CNGB3: variants seen among roughly 807,000 people sequenced by gnomAD.
CNGB3 encodes the protein cyclic nucleotide-gated channel beta-3.
CNGB3 carries 86 observed loss-of-function variants against 92.8 expected under a neutral mutation model. The ratio of observed to expected loss-of-function variants is 0.93; its 90% CI spans 0.78 to 1.11. The LOEUF (loss-of-function observed/expected upper bound fraction) is 1.11, where lower values mean the gene tolerates loss of function less well. Ranked by LOEUF, CNGB3 falls within the 50% of genes least tolerant of loss-of-function variation. CNGB3 has a pLI of 0.00. For synonymous variants in CNGB3, 333 were observed against 332.7 expected (o/e 1.00, Z -0.01); for missense variants, 1,026 against 956.8 (o/e 1.07, Z -0.95).
intron 10 of CNGB3, among the ~76,000 whole-genome samples, chr8:86,640,650 G>C (rs185883404): frequency 6.6e-6 from 1 of 151,986 alleles, no homozygotes; most frequent in African/African-American, 2.4e-5. Flanking sequence ...GAGGTGTTGC[G>C]TGATTCTAGA....
At chr8:86,633,523 T>C (rs1184296260) in intron 10 of CNGB3, among the ~76,000 whole-genome samples, 1 of 152,184 alleles carries the variant, frequency 6.6e-6, no homozygotes, top group Non-Finnish European at 1.5e-5. Context: ...TGAGAGCTGT[T>C]TTCCCCCAGA....
In CNGB3 at chr8:86,728,664, A is replaced by C. The variant is rs1825105788; in HGVS notation, c.212-2007T>G. On this transcript the variant is annotated intron_variant, in intron 2 of 17. Coordinates refer to ENST00000320005, the MANE Select transcript of CNGB3 (RefSeq NM_019098.5). Reference sequence around the variant, plus strand: ...TGCATTTTTCATTTGAAATCCTTGAAGCCGTATGTTGTATATACCTTTTAT... The same window carrying C: ...TGCATTTTTCATTTGAAATCCTTGACGCCGTATGTTGTATATACCTTTTAT... 2.0e-5 allele frequency among the ~76,000 whole-genome samples: 3 copies of C among 152,174 alleles called. No individual in the cohort carries two copies. The South Asian group carries it at 6.2e-4, about 32-fold the overall frequency.
At chr8:86,670,864 G>A in intron 4 of CNGB3, 80 bp downstream of exon 4, 8 of 1,451,524 alleles carry the variant, frequency 5.5e-6, no homozygotes, top group Non-Finnish European at 7.7e-6. Flanking sequence ...GCTTTTGGGA[G>A]ATCCAAACTA....
At chr8:86,678,487 A>G (rs529556308) in intron 3 of CNGB3, among the ~76,000 whole-genome samples, 1 of 152,272 alleles carries the variant, frequency 6.6e-6, no homozygotes, top group South Asian at 2.1e-4. Flanking sequence ...TAATGTACAT[A>G]TGGATGTTAT....
chr8:86,680,251 C>T (rs1489777991), intron 3 of CNGB3, among the ~76,000 whole-genome samples: 1 of 152,120 alleles, frequency 6.6e-6, no homozygotes, highest in Non-Finnish European at 1.5e-5. Context: ...CAAGACATTG[C>T]CACCAGTAAG....
chr8:86,666,392 C>A (rs185577942), intron 6 of CNGB3, among the ~76,000 whole-genome samples: 19 of 152,162 alleles, frequency 1.2e-4, no homozygotes, highest in Non-Finnish European at 2.5e-4. Context: ...CCTGAACCTG[C>A]GTGATTGTAG....
At chr8:86,689,230 GAGA>G (rs1351751870) in intron 3 of CNGB3, among the ~76,000 whole-genome samples, 2 of 151,564 alleles carry the variant, frequency 1.3e-5, no homozygotes, top group African/African-American at 4.8e-5. Flanking sequence ...TCCATTTGCT[GAGA>G]AGAAGAATTT....
chr8:86,580,578 C>T (rs1208568093), intron 15 of CNGB3, among the ~76,000 whole-genome samples: 1 of 152,164 alleles, frequency 6.6e-6, no homozygotes, highest in Non-Finnish European at 1.5e-5. Context: ...ATCTCCCCAC[C>T]TGGAATGCCA....
chr8:86,682,304 A>G (rs1322162291), intron 3 of CNGB3, among the ~76,000 whole-genome samples: 1 of 152,156 alleles, frequency 6.6e-6, no homozygotes, highest in East Asian at 1.9e-4. Flanking sequence ...GGAAACACCT[A>G]GAGAAAAATA....
intron 12 of CNGB3, 30 bp from the exon 13 acceptor site, chr8:86,626,110 A>C (rs763522714): frequency 6.6e-7 from 1 of 1,506,390 alleles, no homozygotes; most frequent in African/African-American, 1.4e-5. Flanking sequence ...TCAAACCCCG[A>C]TGCAGAATAA....
At chr8:86,730,005 C>T (rs1362992982) in intron 2 of CNGB3, among the ~76,000 whole-genome samples, 1 of 152,198 alleles carries the variant, frequency 6.6e-6, no homozygotes, top group Non-Finnish European at 1.5e-5. Flanking sequence ...GTACCTGTGG[C>T]AGATAGTGAA....
intron 15 of CNGB3, among the ~76,000 whole-genome samples, chr8:86,586,617 G>A (rs1449117858): frequency 1.3e-5 from 2 of 151,306 alleles, no homozygotes; most frequent in African/African-American, 4.9e-5. Flanking sequence ...ATAGTTTACT[G>A]AGAATGATTA....
chr8:86,651,766 C>A (rs1173973067), intron 7 of CNGB3, among the ~76,000 whole-genome samples: 1 of 151,882 alleles, frequency 6.6e-6, no homozygotes. Flanking sequence ...CAACACTAAA[C>A]CCTGTGCAAG....
chr8:86,701,785 A>G (rs951517777), intron 3 of CNGB3, among the ~76,000 whole-genome samples: 5 of 152,178 alleles, frequency 3.3e-5, no homozygotes, highest in African/African-American at 1.2e-4. Context: ...CCCCTGAAGT[A>G]TTTTTATACT....
intron 3 of CNGB3, among the ~76,000 whole-genome samples, chr8:86,718,746 A>G (rs773750234): frequency 2.0e-5 from 3 of 152,164 alleles, no homozygotes; most frequent in Non-Finnish European, 4.4e-5. Context: ...AATATCCCTG[A>G]TGAACATATA....
At chr8:86,654,915 A>T (rs1202912539) in intron 6 of CNGB3, among the ~76,000 whole-genome samples, 1 of 152,088 alleles carries the variant, frequency 6.6e-6, no homozygotes, top group East Asian at 1.9e-4. Flanking sequence ...TGATGCTACC[A>T]AATCTCTACT....
chr8:86,637,154 G>A (rs970231962), intron 10 of CNGB3, among the ~76,000 whole-genome samples: 1 of 152,158 alleles, frequency 6.6e-6, no homozygotes, highest in African/African-American at 2.4e-5. Context: ...TGGGTCATAT[G>A]GTAGTTATTT....
chr8:86,739,820 T>A, intron 1 of CNGB3, 84 bp from the exon 2 acceptor site: 1 of 1,426,440 alleles, frequency 7.0e-7, no homozygotes, highest in Non-Finnish European at 9.8e-7. Flanking sequence ...ATTTTCCACT[T>A]AATTGTCAAT....
intron 15 of CNGB3, among the ~76,000 whole-genome samples, chr8:86,585,629 C>T (rs1026551960): frequency 6.6e-6 from 1 of 152,142 alleles, no homozygotes; most frequent in Admixed American, 6.5e-5. Flanking sequence ...AACACTTTGG[C>T]ACAGTGGGGC....
Sources: gnomAD v4.1 joint callset for allele counts (sites outside exome capture counted in the v4.1 genomes callset) on GRCh38, gnomAD v4.1.1 for gene constraint, MANE v1.5 for transcripts, NCBI Gene and HGNC (gene_info 2026-07-23, HGNC 2026-07-21) for gene names.